The following SLC35B3 variants were observed in gnomAD, a reference collection of about 807,000 sequenced individuals.
The protein encoded by SLC35B3 is solute carrier family 35 member B3, also known as adenosine 3'-phospho 5'-phosphosulfate transporter 2.
A neutral mutation model predicts 44.1 loss-of-function variants in SLC35B3; 35 were observed. That is an observed-to-expected ratio of 0.79 (90% CI 0.61 to 1.05). SLC35B3 has a LOEUF of 1.05. SLC35B3 is among the 50% of genes least tolerant of loss of function. The probability of loss-of-function intolerance (pLI) is 0.00; values close to 1 mark genes in which losing one functional copy is unlikely to be tolerated. For synonymous variants in SLC35B3, 146 were observed against 167.3 expected, an observed-to-expected ratio of 0.87 and a Z score of 0.98; for missense variants, 414 against 476.4, an observed-to-expected ratio of 0.87 and a Z score of 1.22.
At position 8,435,402 on chromosome 6, in the gene SLC35B3, C is replaced by T. The variant is rs1186895787; in HGVS notation, c.-103G>A. On this transcript the variant is annotated 5_prime_UTR_variant, in exon 1 of 11. Coordinates refer to ENST00000644923, the MANE Select transcript of SLC35B3 (RefSeq NM_001370476.2). The surrounding 1 kb of genome is among the most constrained non-coding windows in gnomAD (Gnocchi z 5.5). ...CAGCCTGCGTGGCGTCTGAGCTAGA[C>T]GGAGCATCTCCCCCTCCCCTGGTCC... is the stretch of plus-strand genomic sequence containing the variant. The T allele has an allele frequency of 5.4e-6, 7 of 1,288,112 alleles. No individual in the cohort carries two copies. Among genetic ancestry groups the T allele is most frequent in the Non-Finnish European group, 7.1e-6 (7 of 988,542 alleles). 79.8% of individuals were successfully genotyped at this position (1,288,112 alleles called of 1,614,324 possible).
At chr6:8,423,061 A>G (rs1763074227) in intron 4 of SLC35B3, among the ~76,000 whole-genome samples, 1 of 152,090 alleles carries the variant, frequency 6.6e-6, no homozygotes, top group Non-Finnish European at 1.5e-5. Flanking sequence ...GATCTCAGCT[A>G]AGTGCAACCT....
chr6:8,412,965 A>G lies in SLC35B3; in HGVS notation c.*584T>C, dbSNP rs1324356716. 6.6e-6 allele frequency: 1 copy of G among 152,256 alleles called. No homozygotes were observed. Among genetic ancestry groups the G allele is most frequent in the Non-Finnish European group, 1.5e-5 (1 of 68,074 alleles). 9.4% of individuals were successfully genotyped at this position (152,256 alleles called of 1,614,324 possible). ...CTGGGTGGTTGGGAGCTCCTGCTCT[A>G]AAGAATAATTTTAAATCAGAGAAAA... On this transcript the variant is annotated 3_prime_UTR_variant, in exon 11 of 11. Coordinates refer to ENST00000644923, the MANE Select transcript of SLC35B3 (RefSeq NM_001370476.2).
intron 5 of SLC35B3, 73 bp downstream of exon 4, chr6:8,422,397 G>A (rs1762978061): frequency 8.8e-7 from 1 of 1,130,852 alleles, no homozygotes; most frequent in Non-Finnish European, 1.3e-6. Flanking sequence ...GAAGTTTAAT[G>A]TTTTTCCTAA....
rs771537703 is a variant in SLC35B3 at position 8,422,590 on chromosome 6, G to C, written c.454C>G (p.Leu152Val). The change falls in exon 5 of 11, where the codon CTA becomes GTA. Residue 152 changes from leucine (L) to valine (V), a missense_variant. By Grantham distance (32) the Leu-to-Val change is conservative (BLOSUM62 1). Transcript: ENST00000644923. ...GATAACCCCATAGTACCCACAGTTA[G>C]AAAAGCTATTATCATGTAGGTTTTT... 72 of 1,612,204 alleles carry C rather than the reference G, an allele frequency of 4.5e-5. No individual in the cohort carries two copies. Among genetic ancestry groups the C allele is most frequent in the Admixed American group, 6.7e-5 (4 of 59,640 alleles).
chr6:8,412,732 A>T lies in SLC35B3; in HGVS notation c.*817T>A, dbSNP rs1401702412. ...CTATGAAACTGTTCCACTTCAGATC[A>T]TCAGGCATTAGATTCTCAAAAGGAG... On this transcript the variant is annotated 3_prime_UTR_variant, in exon 11 of 11. Coordinates refer to ENST00000644923, the MANE Select transcript of SLC35B3 (RefSeq NM_001370476.2). Among the ~76,000 whole-genome samples the T allele has an allele frequency of 6.6e-6, 1 of 152,204 alleles. No homozygotes were observed. The highest frequency in any genetic ancestry group is 2.4e-5 in the African/African-American group (1 of 41,460).
chr6:8,414,914 G>A lies in SLC35B3; in HGVS notation c.1049C>T (p.Thr350Met), dbSNP rs1286868476. The change falls in exon 10 of 11, where the codon ACG becomes ATG. Residue 350 changes from threonine to methionine, a missense_variant. Physicochemically the swap from Thr to Met is moderately conservative, Grantham distance 81. Coordinates refer to ENST00000644923, the MANE Select transcript of SLC35B3 (RefSeq NM_001370476.2). ...TTAATTAAGAAGTACTTACTGAAACGTGAATGGTTTAGCAAAGAATATAAA... is the reference window on the plus strand; with the variant it reads ...TTAATTAAGAAGTACTTACTGAAACATGAATGGTTTAGCAAAGAATATAAA... The A allele has an allele frequency of 6.3e-6, 10 of 1,584,236 alleles. No individual in the cohort carries two copies. Among genetic ancestry groups the A allele is most frequent in the South Asian group, 4.6e-5 (4 of 86,862 alleles).
At chr6:8,417,151 A>G (rs1180433221) in intron 8 of SLC35B3, among the ~76,000 whole-genome samples, 156 bp from the exon 8 acceptor site, 1 of 152,174 alleles carries the variant, frequency 6.6e-6, no homozygotes, top group Non-Finnish European at 1.5e-5. Flanking sequence ...ATGAAAAAAA[A>G]ATGTTGAAAT....
chr6:8,430,717 CAAATAAAATA>C (rs201666807), intron 2 of SLC35B3, among the ~76,000 whole-genome samples: 18 of 151,130 alleles, frequency 1.2e-4, no homozygotes, highest in Admixed American at 9.3e-4. Context: ...CTCTCTCTAC[CAAATAAAATA>C]AAATAAAATA....
At chr6:8,422,431 ATTAG>A (rs1762980863) in intron 5 of SLC35B3, 35 bp downstream of exon 4, 33 of 1,465,688 alleles carry the variant, frequency 2.3e-5, no homozygotes, top group Non-Finnish European at 3.1e-5. Flanking sequence ...AACATAGCCT[ATTAG>A]TTTTAAATAG....
At chr6:8,414,869 T>G (rs750211212) in intron 10 of SLC35B3, 39 bp downstream of exon 9, 25 of 1,292,042 alleles carry the variant, frequency 1.9e-5, no homozygotes, top group Non-Finnish European at 2.6e-5. Flanking sequence ...ACACAGTATC[T>G]AAAAACTGAG....
At chr6:8,425,218 A>G (rs944590567) in intron 4 of SLC35B3, among the ~76,000 whole-genome samples, 3 of 152,180 alleles carry the variant, frequency 2.0e-5, no homozygotes, top group Non-Finnish European at 4.4e-5. Context: ...GTAACAGAAC[A>G]TGCATCATCA....
Position 8,435,065 on chromosome 6 carries a change from A to G in SLC35B3, c.-44+278T>C, listed in dbSNP as rs1299870205. The G allele has an allele frequency of 2.5e-6, 3 of 1,208,726 alleles. No homozygotes were observed. Among genetic ancestry groups the G allele is most frequent in the East Asian group, 5.7e-5 (1 of 17,532 alleles). 74.9% of individuals were successfully genotyped at this position (1,208,726 alleles called of 1,614,324 possible). The stretch of plus-strand genomic sequence containing the variant: ...CGAGAACAGCGTAAAAGACCCCTTG[A>G]GGTCACCTCACCCCTGCGAGTCCAC... On this transcript the variant is annotated intron_variant, in intron 1 of 10. Transcript: ENST00000644923. The surrounding 1 kb of genome is among the most constrained non-coding windows in gnomAD (Gnocchi z 5.5).
At chr6:8,415,476 G>A (rs1762335089) in intron 9 of SLC35B3, among the ~76,000 whole-genome samples, 1 of 152,138 alleles carries the variant, frequency 6.6e-6, no homozygotes, top group Admixed American at 6.6e-5. Flanking sequence ...GAAGTCTGCT[G>A]TAACGCTGGA....
chr6:8,432,609 C>G lies in SLC35B3; in HGVS notation c.3+1776G>C, dbSNP rs1005954487. On this transcript the variant is annotated intron_variant, in intron 2 of 10. Coordinates refer to ENST00000644923, the MANE Select transcript of SLC35B3 (RefSeq NM_001370476.2). The surrounding 1 kb of genome is among the most constrained non-coding windows in gnomAD (Gnocchi z 4.8). ...ATTAGCTGAGGAGCCTTGGGCAAAT[C>G]GTTTAACTTTTCTGAGCTTTAGGTT... Among the ~76,000 whole-genome samples the G allele has an allele frequency of 5.9e-5, 9 of 152,094 alleles. No individual in the cohort carries two copies. Among genetic ancestry groups the G allele is most frequent in the Non-Finnish European group, 1.0e-4 (7 of 68,032 alleles).
Position 8,435,480 on chromosome 6 carries a change from C to G in SLC35B3, c.-181G>C, listed in dbSNP as rs1764413371. 85 of 1,027,468 alleles carry G rather than the reference C, an allele frequency of 8.3e-5. 1 individual carries two copies. In the South Asian group the frequency reaches 1.2e-3, roughly 14 times the overall value. 63.6% of individuals were successfully genotyped at this position (1,027,468 alleles called of 1,614,324 possible). ...TCCTCGCCCACTCCTGCACTTTCCA[C>G]CGCGGCGGTCGCCTCCCCGGAAAGC... On this transcript the variant is annotated 5_prime_UTR_variant, in exon 1 of 11. Coordinates refer to ENST00000644923, the MANE Select transcript of SLC35B3 (RefSeq NM_001370476.2). This position sits in a 1 kb window ranked among gnomAD's most constrained non-coding sequence, Gnocchi z 5.5.
At chr6:8,422,890 A>G (rs1408404517) in intron 4 of SLC35B3, among the ~76,000 whole-genome samples, 1 of 149,758 alleles carries the variant, frequency 6.7e-6, no homozygotes, top group Non-Finnish European at 1.5e-5. Flanking sequence ...TACTGAAGGT[A>G]TAAATGTTGA....
rs1762074341 is a variant in SLC35B3, at chr6:8,411,873, A to T, written c.*1676T>A. The stretch of plus-strand genomic sequence containing the variant: ...GAAAACGAAGAATAACAGTATTTTT[A>T]AAAAATACAATAGAAGCAATTCTAA... On this transcript the variant is annotated 3_prime_UTR_variant, in exon 11 of 11. Coordinates refer to ENST00000644923, the MANE Select transcript of SLC35B3 (RefSeq NM_001370476.2). Among the ~76,000 whole-genome samples the T allele has an allele frequency of 2.0e-5, 3 of 152,200 alleles. No homozygotes were observed. The highest frequency in any genetic ancestry group is 2.1e-4 in the South Asian group (1 of 4,830).
rs191866021 is a variant in SLC35B3, at chr6:8,420,297, C to G, written c.682+424G>C. Among the ~76,000 whole-genome samples, 19 of 152,236 alleles carry G rather than the reference C, an allele frequency of 1.2e-4. No individual in the cohort carries two copies. Among genetic ancestry groups the G allele is most frequent in the Admixed American group, 1.0e-3 (16 of 15,290 alleles). ...TCCTTTCATATGTTTATGAGCTTCC[C>G]TCCAATATTCACAGTGGTTTTACCC... On this transcript the variant is annotated intron_variant, in intron 6 of 10. Coordinates refer to ENST00000644923, the MANE Select transcript of SLC35B3 (RefSeq NM_001370476.2). The surrounding 1 kb of genome is among the most constrained non-coding windows in gnomAD (Gnocchi z 4.4).
At position 8,433,281 on chromosome 6, in the gene SLC35B3, C is replaced by T. The variant is rs941848325; in HGVS notation, c.3+1104G>A. Among the ~76,000 whole-genome samples, 1 of 152,062 alleles carries T rather than the reference C, an allele frequency of 6.6e-6. No homozygotes were observed. The highest frequency in any genetic ancestry group is 1.5e-5 in the Non-Finnish European group (1 of 68,024). On this transcript the variant is annotated intron_variant, in intron 2 of 10. Coordinates refer to ENST00000644923, the MANE Select transcript of SLC35B3 (RefSeq NM_001370476.2). This position sits in a 1 kb window ranked among gnomAD's most constrained non-coding sequence, Gnocchi z 4.1. ...CATGCTGCATCCATGAATAAGGCCT[C>T]GAAGTTAAAAACGAGTTGATGTCCT... is the stretch of plus-strand genomic sequence containing the variant.
Sources: gnomAD v4.1 joint callset for allele counts (sites outside exome capture counted in the v4.1 genomes callset) on GRCh38, gnomAD v4.1.1 for gene constraint, Gnocchi (gnomAD v3.1) non-coding constraint, MANE v1.5 for transcripts, NCBI Gene and HGNC (gene_info 2026-07-23, HGNC 2026-07-21) for gene names.